The following CACNA1C variants were observed in gnomAD, a reference collection of about 807,000 sequenced individuals.
CACNA1C encodes the protein calcium voltage-gated channel subunit alpha1 C.
A neutral mutation model predicts 229.0 loss-of-function variants in CACNA1C; 30 were observed. That is an observed-to-expected ratio of 0.13 (90% CI 0.10 to 0.18). The LOEUF is 0.18. Among genes scored for constraint, CACNA1C ranks in the 10% least tolerant of loss-of-function variants. CACNA1C has a pLI of 1.00. For synonymous variants in CACNA1C, 1,114 were observed against 1,132.5 expected, an observed-to-expected ratio of 0.98 and a Z score of 0.33; for missense variants, 1,658 against 2,845.0, an observed-to-expected ratio of 0.58 and a Z score of 9.49.
chr12:2,374,712 A>G (rs936804860), intron 3 of CACNA1C, among the ~76,000 whole-genome samples: 7 of 152,240 alleles, frequency 4.6e-5, no homozygotes, highest in Non-Finnish European at 1.0e-4. Context: ...AAAGAATACT[A>G]ATAGTAGGTG....
In CACNA1C at chr12:2,608,811, C is replaced by G; in HGVS notation, c.3558+99C>G. Reference sequence around the variant, plus strand: ...GGGGCTGCGACAGGGAGAGGCCGTGCAGATACTGAGATCGTCTCTCTATTC... The same window carrying G: ...GGGGCTGCGACAGGGAGAGGCCGTGGAGATACTGAGATCGTCTCTCTATTC... On this transcript the variant is annotated intron_variant, in intron 27 of 46. Coordinates refer to ENST00000399655, the MANE Select transcript of CACNA1C (RefSeq NM_000719.7). This position sits in a 1 kb window ranked among gnomAD's most constrained non-coding sequence, Gnocchi z 4.2. The G allele has an allele frequency of 8.6e-7, 1 of 1,165,852 alleles. No homozygotes were observed. Among genetic ancestry groups the G allele is most frequent in the Non-Finnish European group, 1.2e-6 (1 of 807,454 alleles). 72.2% of individuals were successfully genotyped at this position (1,165,852 alleles called of 1,614,324 possible).
intron 27 of CACNA1C, among the ~76,000 whole-genome samples, chr12:2,609,151 G>C (rs1410410188): frequency 1.3e-5 from 2 of 152,280 alleles, no homozygotes; most frequent in East Asian, 1.9e-4. Context: ...AAACCCAGAG[G>C]CTTGTGTGGG....
chr12:2,315,122 C>G (rs1480834527), intron 3 of CACNA1C, among the ~76,000 whole-genome samples: 1 of 152,162 alleles, frequency 6.6e-6, no homozygotes, highest in African/African-American at 2.4e-5. Context: ...CCTCCTCTCT[C>G]CCGGGTCACA....
At position 2,486,289 on chromosome 12, in the gene CACNA1C, C is replaced by G; in HGVS notation, c.916+27C>G. ...TAAGAGGGGCAGGCGGCTGCGCTCC[C>G]AAGGCCCTGCCCTCTATCGCTCCCA... is the stretch of plus-strand genomic sequence containing the variant. On this transcript the variant is annotated intron_variant, in intron 6 of 46. Transcript: ENST00000399655. The surrounding 1 kb of genome is among the most constrained non-coding windows in gnomAD (Gnocchi z 4.9). The G allele has an allele frequency of 6.2e-7, 1 of 1,602,420 alleles. No individual in the cohort carries two copies. The highest frequency in any genetic ancestry group is 2.2e-5 in the East Asian group (1 of 44,718).
intron 30 of CACNA1C, among the ~76,000 whole-genome samples, chr12:2,637,975 C>A (rs1055804591): frequency 5.3e-5 from 8 of 152,176 alleles, no homozygotes; most frequent in African/African-American, 1.9e-4. Flanking sequence ...GGCTATGGGG[C>A]CCTCCCTCTC....
chr12:2,675,739 T>C (rs1327745722), intron 39 of CACNA1C, among the ~76,000 whole-genome samples: 1 of 152,206 alleles, frequency 6.6e-6, no homozygotes, highest in Non-Finnish European at 1.5e-5. Flanking sequence ...GCCCAGAGAC[T>C]CCTAAGCAGA....
chr12:2,676,529 C>G (rs1365812742), intron 39 of CACNA1C: 1 of 154,416 alleles, frequency 6.5e-6, no homozygotes, highest in Non-Finnish European at 1.4e-5. Flanking sequence ...GGTATCCAGC[C>G]CAGCAGGGAT....
At chr12:2,228,731 G>A (rs2063787254) in intron 3 of CACNA1C, among the ~76,000 whole-genome samples, 1 of 152,168 alleles carries the variant, frequency 6.6e-6, no homozygotes, top group South Asian at 2.1e-4. Context: ...TCCAGGGCCA[G>A]GGGTGACTCT....
Position 2,679,883 on chromosome 12 carries a change from G to A in CACNA1C, c.5444+87G>A, listed in dbSNP as rs2097041643. ...GACAGTGGAGGAGACGGAGGCCTCG[G>A]CCAGCCACTTGTCCCTCAAGCTTCC... On this transcript the variant is annotated intron_variant, in intron 42 of 46. Transcript: ENST00000399655. The surrounding 1 kb of genome is among the most constrained non-coding windows in gnomAD (Gnocchi z 5.5). The A allele has an allele frequency of 5.2e-6, 5 of 960,570 alleles. No individual in the cohort carries two copies. Among genetic ancestry groups the A allele is most frequent in the Non-Finnish European group, 7.7e-6 (5 of 649,290 alleles). 59.5% of individuals were successfully genotyped at this position (960,570 alleles called of 1,614,324 possible). A position where few individuals can be genotyped will look rare whatever the true frequency, so the allele number is the denominator to read the frequency against.
intron 3 of CACNA1C, among the ~76,000 whole-genome samples, chr12:2,387,379 G>A (rs2060778367): frequency 6.6e-6 from 1 of 152,150 alleles, no homozygotes; most frequent in Admixed American, 6.5e-5. Flanking sequence ...CAGCCATCCA[G>A]GAGGCTGACA....
rs5796003 is a variant in CACNA1C at position 2,395,209 on chromosome 12, CTT to C, written c.478-53749_478-53748del. Among the ~76,000 whole-genome samples, 588 of 128,072 alleles carry C rather than the reference CTT, an allele frequency of 4.6e-3. 4 individuals are homozygous for C. Among genetic ancestry groups the C allele is most frequent in the Admixed American group, 9.8e-3 (122 of 12,426 alleles). The allele number at this position is 128,072 out of a possible 152,430, so 84.0% of individuals were successfully genotyped here. On this transcript the variant is annotated intron_variant, in intron 3 of 46. Coordinates refer to ENST00000399655, the MANE Select transcript of CACNA1C (RefSeq NM_000719.7). ...TCCAGCCTTCTTTTCTTTTCTCTAG[CTT>C]TTTTTTTTTTTTTTTTTAAATATTT...
At chr12:2,430,691 C>T (rs1488270788) in intron 3 of CACNA1C, among the ~76,000 whole-genome samples, 2 of 152,118 alleles carry the variant, frequency 1.3e-5, no homozygotes, top group Non-Finnish European at 2.9e-5. Flanking sequence ...TCTTCAGATG[C>T]CGCTTACTGG....
chr12:2,122,523 T>C (rs1200347022), intron 3 of CACNA1C, among the ~76,000 whole-genome samples: 1 of 152,060 alleles, frequency 6.6e-6, no homozygotes, highest in Non-Finnish European at 1.5e-5. Flanking sequence ...TCGCGAGTGC[T>C]GTGACCCGGC....
chr12:2,176,540 C>G (rs908158847), intron 3 of CACNA1C, among the ~76,000 whole-genome samples: 2 of 151,552 alleles, frequency 1.3e-5, no homozygotes, highest in African/African-American at 4.9e-5. Flanking sequence ...GTCAAGCTTC[C>G]TTCCATGTCA....
chr12:2,338,768 G>A (rs1322301891), intron 3 of CACNA1C, among the ~76,000 whole-genome samples: 1 of 152,142 alleles, frequency 6.6e-6, no homozygotes, highest in Non-Finnish European at 1.5e-5. Context: ...GCCCTTGGGG[G>A]TGGAATAGGG....
intron 3 of CACNA1C, among the ~76,000 whole-genome samples, chr12:2,277,933 C>T (rs10744560): frequency 0.33 from 49,901 of 152,202 alleles, 8,652 homozygotes; most frequent in African/African-American, 0.38. Flanking sequence ...CCTCCAGTCT[C>T]ACTCATCGTG....
At chr12:2,258,726 C>T (rs1238370529) in intron 3 of CACNA1C, among the ~76,000 whole-genome samples, 2 of 152,154 alleles carry the variant, frequency 1.3e-5, no homozygotes, top group Non-Finnish European at 2.9e-5. Context: ...TCAGATAACT[C>T]GTATTTTAAG....
At chr12:2,024,761 A>T (rs1331562718) in intron 1 of CACNA1C, among the ~76,000 whole-genome samples, 1 of 152,192 alleles carries the variant, frequency 6.6e-6, no homozygotes, top group Non-Finnish European at 1.5e-5. Flanking sequence ...GAGCATCTGC[A>T]CTCTGACCTG....
chr12:2,661,343 A>G (rs1569115762), intron 34 of CACNA1C, among the ~76,000 whole-genome samples: 1 of 151,916 alleles, frequency 6.6e-6, no homozygotes, highest in Non-Finnish European at 1.5e-5. Context: ...GCAGACAAAT[A>G]ATATCAGACT....
Sources: allele counts gnomAD v4.1 joint callset (sites outside exome capture counted in the v4.1 genomes callset), GRCh38; gene constraint gnomAD v4.1.1; non-coding constraint Gnocchi (gnomAD v3.1); transcripts MANE v1.5; gene names NCBI Gene and HGNC (gene_info 2026-07-23, HGNC 2026-07-21).